CIZ1: variants seen among roughly 807,000 people sequenced by gnomAD.
CIZ1 encodes the protein cip1-interacting zinc finger protein.
In CIZ1, 58 loss-of-function variants were observed where a neutral mutation model predicts 118.6. That is an observed-to-expected ratio of 0.49 (90% confidence interval 0.40 to 0.61). CIZ1 has a LOEUF of 0.61. Among genes scored for constraint, CIZ1 ranks in the 20% least tolerant of loss-of-function variants. CIZ1 has a pLI of 0.00. For missense variants in CIZ1, 921 were observed against 1,115.9 expected, an observed-to-expected ratio of 0.83 and a Z score of 2.49; for synonymous variants, 448 against 443.4, an observed-to-expected ratio of 1.01 and a Z score of -0.13.
At chr9:128,195,759 ATTG>A, upstream of CIZ1, among the ~76,000 whole-genome samples, 1 of 152,278 alleles carries the variant, frequency 6.6e-6, no homozygotes, top group African/African-American at 2.4e-5. Flanking sequence ...AGCCCCTGAC[ATTG>A]TTATTCTTTA....
At chr9:128,178,224 C>T in intron 9 of CIZ1, 145 bp downstream of exon 9, 2 of 1,004,620 alleles carry the variant, frequency 2.0e-6, no homozygotes, top group Non-Finnish European at 2.9e-6. Context: ...CTGGTCTGGC[C>T]ACCCATCCTA....
chr9:128,169,604 C>T, intron 12 of CIZ1, 85 bp from the exon 13 acceptor site: 1 of 1,574,396 alleles, frequency 6.4e-7, no homozygotes, highest in East Asian at 2.3e-5. Context: ...AAGAGCTCAC[C>T]TCCCCCGGGC....
In CIZ1 at chr9:128,176,426, T is replaced by C; in HGVS notation, c.1868A>G (p.Glu623Gly). The stretch of plus-strand genomic sequence containing the variant: ...GCAGGCTTGGCTCATGTGCTGGATC[T>C]CCCCTAGCCGCTGCTGGTGCTGAGG... Reference protein sequence around the residue: ...SEPQHQQRLGEIQHMSQACLL... With the variant: ...SEPQHQQRLGGIQHMSQACLL... The change falls in exon 11 of 17, where the codon GAG becomes GGG. Residue 623 changes from glutamate (E) to glycine (G), a missense_variant. Transcript: ENST00000372938. 1 of 1,613,872 alleles carries C rather than the reference T, an allele frequency of 6.2e-7. No homozygotes were observed. The highest frequency in any genetic ancestry group is 2.2e-5 in the East Asian group (1 of 44,876).
chr9:128,187,137 A>G (rs1193330382), intron 4 of CIZ1, among the ~76,000 whole-genome samples: 10 of 151,964 alleles, frequency 6.6e-5, no homozygotes, highest in Admixed American at 6.6e-4. Flanking sequence ...ACAGGGTTTC[A>G]CCATGTTGGC....
intron 14 of CIZ1, among the ~76,000 whole-genome samples, chr9:128,168,528 G>GAAA (rs530396817): frequency 4.2e-5 from 5 of 119,340 alleles, no homozygotes; most frequent in African/African-American, 8.8e-5. Flanking sequence ...AAAAAAAAAA[G>GAAA]AAAAAAAAAA....
upstream of CIZ1, among the ~76,000 whole-genome samples, chr9:128,196,163 G>A (rs557330693): frequency 2.6e-5 from 4 of 152,146 alleles, no homozygotes; most frequent in African/African-American, 9.6e-5. Context: ...CACTAAACCT[G>A]GACCTCATTA....
intron 11 of CIZ1, among the ~76,000 whole-genome samples, chr9:128,174,016 C>CGAAAAAA (rs1554754798): frequency 4.1e-5 from 3 of 73,248 alleles, no homozygotes; most frequent in African/African-American, 1.1e-4. Context: ...AAAAACAAAA[C>CGAAAAAA]AAAAAAACAA....
chr9:128,188,579 T>G (rs1177494504), intron 3 of CIZ1, among the ~76,000 whole-genome samples: 1 of 151,628 alleles, frequency 6.6e-6, no homozygotes, highest in Non-Finnish European at 1.5e-5. Flanking sequence ...TCCCAAAGAG[T>G]TGGGATTACA....
intron 14 of CIZ1, 125 bp from the exon 15 acceptor site, chr9:128,167,289 G>C: frequency 2.9e-6 from 2 of 700,060 alleles, no homozygotes; most frequent in Admixed American, 6.0e-5. Flanking sequence ...CCAGGAGGTA[G>C]TGGGTGGCAT....
chr9:128,203,342 T>C lies in CIZ1; in HGVS notation c.-6+844A>G. 1.1e-6 allele frequency: 1 copy of C among 910,428 alleles called. No individual in the cohort carries two copies. The highest frequency in any genetic ancestry group is 1.4e-6 in the Non-Finnish European group (1 of 704,392). The allele number at this position is 910,428 out of a possible 1,614,324, so 56.4% of individuals were successfully genotyped here. A position where few individuals can be genotyped will look rare whatever the true frequency, so the allele number is the denominator to read the frequency against. On this transcript the variant is annotated intron_variant, in intron 1 of 17. Transcript: ENST00000372948. This position sits in a 1 kb window ranked among gnomAD's most constrained non-coding sequence, Gnocchi z 5.3. ...AGCGGCGTCCGGGAGCGGTGCTCGC[T>C]CCGATCCCCGAGGGGCGGGGGCCCC... is the stretch of plus-strand genomic sequence containing the variant.
chr9:128,193,692 AGAGT>A (rs1413494566), upstream of CIZ1, among the ~76,000 whole-genome samples: 1 of 152,216 alleles, frequency 6.6e-6, no homozygotes, highest in Non-Finnish European at 1.5e-5. Flanking sequence ...CCTGGGCGAC[AGAGT>A]GAGACTCCAT....
chr9:128,203,954 T>G lies in CIZ1; in HGVS notation c.-6+232A>C. ...CTGCCCCCCGCCCCCAACATGGGCA[T>G]GGAGAGAGCCCGCATTACTCAGCGT... On this transcript the variant is annotated intron_variant, in intron 1 of 17. Transcript: ENST00000372948. The surrounding 1 kb of genome is among the most constrained non-coding windows in gnomAD (Gnocchi z 5.3). 1 of 174,236 alleles carries G rather than the reference T, an allele frequency of 5.7e-6. No individual in the cohort carries two copies. Among genetic ancestry groups the G allele is most frequent in the Non-Finnish European group, 1.2e-5 (1 of 83,070 alleles). The allele number at this position is 174,236 out of a possible 1,614,324, so 10.8% of individuals were successfully genotyped here. A position where few individuals can be genotyped will look rare whatever the true frequency, so the allele number is the denominator to read the frequency against.
rs116584464 is a variant in CIZ1 at position 128,176,110 on chromosome 9, A to T, written c.1943+241T>A. ...TGTCCTCTCCCACAGGGATGGTCAT[A>T]CTGTTCCTGCCTAGAGGGAACCTTA... On this transcript the variant is annotated intron_variant, in intron 11 of 16. Coordinates refer to ENST00000372938, the MANE Select transcript of CIZ1 (RefSeq NM_001131016.2). Among the ~76,000 whole-genome samples the T allele has an allele frequency of 8.8e-3, 1,342 of 152,334 alleles. 20 individuals are homozygous for T. The highest frequency in any genetic ancestry group is 0.031 in the African/African-American group (1,289 of 41,584).
chr9:128,194,554 C>T (rs922371386), upstream of CIZ1, among the ~76,000 whole-genome samples: 1 of 151,514 alleles, frequency 6.6e-6, no homozygotes, highest in African/African-American at 2.4e-5. Context: ...TGGTGGCTCA[C>T]GCCTACAATC....
At chr9:128,187,471 A>G (rs1429939685) in intron 4 of CIZ1, among the ~76,000 whole-genome samples, 2 of 152,230 alleles carry the variant, frequency 1.3e-5, no homozygotes, top group African/African-American at 4.8e-5. Flanking sequence ...CCCCCTGCTT[A>G]GCCTGATTTC....
chr9:128,180,470 C>T lies in CIZ1; in HGVS notation c.736G>A (p.Ala246Thr). 6.2e-7 allele frequency: 1 copy of T among 1,614,166 alleles called. No individual in the cohort carries two copies. The highest frequency in any genetic ancestry group is 8.5e-7 in the Non-Finnish European group (1 of 1,180,024). The change falls in exon 7 of 17, where the codon GCA becomes ACA. Residue 246 changes from alanine (A) to threonine (T), a missense_variant. Ala to Thr is a moderately conservative substitution (Grantham distance 58). Coordinates refer to ENST00000372938, the MANE Select transcript of CIZ1 (RefSeq NM_001131016.2). ...GCCTCACAAGGCTCAGGCTCAGGTG[C>T]TGGAGTGCGTTTTTCCTTGGCGATG... Reference protein sequence around the residue: ...EDIAKEKRTPAPEPEPCEASE... With the variant: ...EDIAKEKRTPTPEPEPCEASE...
chr9:128,188,415 G>A (rs1832711327), intron 3 of CIZ1, among the ~76,000 whole-genome samples: 1 of 152,162 alleles, frequency 6.6e-6, no homozygotes, highest in Non-Finnish European at 1.5e-5. Context: ...GTCAACAGAT[G>A]ACACTGTGGG....
chr9:128,167,246 A>C, intron 14 of CIZ1, 82 bp from the exon 15 acceptor site: 1 of 1,048,338 alleles, frequency 9.5e-7, no homozygotes, highest in Non-Finnish European at 1.4e-6. Flanking sequence ...AGAGACCACC[A>C]ATGCCCTTGG....
upstream of CIZ1, among the ~76,000 whole-genome samples, chr9:128,196,108 C>T (rs1234571625): frequency 4.6e-5 from 7 of 152,090 alleles, no homozygotes; most frequent in Admixed American, 4.6e-4. Context: ...TTCAGATGAT[C>T]CACCCACCTT....
Sources: allele counts gnomAD v4.1 joint callset (sites outside exome capture counted in the v4.1 genomes callset), GRCh38; gene constraint gnomAD v4.1.1; non-coding constraint Gnocchi (gnomAD v3.1); transcripts MANE v1.5; gene names NCBI Gene and HGNC (gene_info 2026-07-23, HGNC 2026-07-21).